The following PNLDC1 variants were observed in gnomAD, a reference collection of about 807,000 sequenced individuals.
The protein encoded by PNLDC1 is PARN like ribonuclease domain containing exonuclease 1.
Under a neutral mutation model 82.0 loss-of-function variants are expected in PNLDC1, and 70 were observed. The ratio of observed to expected loss-of-function variants is 0.85; its 90% CI spans 0.70 to 1.04. The LOEUF (loss-of-function observed/expected upper bound fraction) is 1.04, where lower values mean the gene tolerates loss of function less well. Among genes scored for constraint, PNLDC1 ranks in the 50% least tolerant of loss-of-function variants. The pLI is 0.00. For missense variants in PNLDC1, 631 were observed against 661.1 expected, an observed-to-expected ratio of 0.95 and a Z score of 0.50; for synonymous variants, 280 against 249.3, an observed-to-expected ratio of 1.12 and a Z score of -1.16.
At chr6:159,802,074 G>A (rs940939956) in intron 3 of PNLDC1, among the ~76,000 whole-genome samples, 8 of 152,160 alleles carry the variant, frequency 5.3e-5, no homozygotes, top group East Asian at 1.9e-4. Context: ...TTTTAGTAGC[G>A]ATGGGGTTTC....
At position 159,818,649 on chromosome 6, in the gene PNLDC1, A is replaced by G. The variant is rs752859826; in HGVS notation, c.1252A>G (p.Lys418Glu). The change falls in exon 16 of 19, where the codon AAG (lysine) becomes GAG (glutamate). Residue 418 changes from lysine (K) to glutamate (E), a missense_variant. By Grantham distance (56) the Lys-to-Glu change is moderately conservative. Transcript: ENST00000392167. ...QVNLIRAGVP[K>E]INFSGPDYPS... The stretch of plus-strand genomic sequence containing the variant: ...GAACCTCATCCGAGCGGGGGTCCCA[A>G]AGATCGTGAGTAGATCTCATTTGGC... The G allele has an allele frequency of 9.9e-6, 16 of 1,613,250 alleles. No individual in the cohort carries two copies. The East Asian group carries it at 2.9e-4, about 29-fold the overall frequency.
intron 12 of PNLDC1, among the ~76,000 whole-genome samples, chr6:159,814,725 C>T (rs1781758706): frequency 6.6e-6 from 1 of 152,188 alleles, no homozygotes; most frequent in Non-Finnish European, 1.5e-5. Flanking sequence ...TTGCCACTCA[C>T]TGGTTCTGTG....
At chr6:159,808,512 TAA>T (rs559167980) in intron 7 of PNLDC1, among the ~76,000 whole-genome samples, 84 of 144,034 alleles carry the variant, frequency 5.8e-4, no homozygotes, top group African/African-American at 2.1e-3. Flanking sequence ...ATCCCCAACT[TAA>T]GAGTGGCCCT....
chr6:159,820,437 G>A lies in PNLDC1; in HGVS notation c.1533-17G>A, dbSNP rs201926720. 6.7e-4 allele frequency: 1,075 copies of A among 1,613,900 alleles called. 3 individuals are homozygous for A. In the African/African-American group the frequency reaches 0.013, roughly 19 times the overall value. On this transcript the variant is annotated splice_polypyrimidine_tract_variant and intron_variant, in intron 18 of 18. Coordinates refer to ENST00000392167, the MANE Select transcript of PNLDC1 (RefSeq NM_001271862.2). ...TGCTGGGTGCCCCGGCCACTGACACGTGTCATTGTCTTGCAGAGTCTGTGG... is the reference window on the plus strand; with the variant it reads ...TGCTGGGTGCCCCGGCCACTGACACATGTCATTGTCTTGCAGAGTCTGTGG...
In PNLDC1 at chr6:159,820,668, A is replaced by C. The variant is rs1488230831; in HGVS notation, c.*151A>C. On this transcript the variant is annotated 3_prime_UTR_variant, in exon 19 of 19. Transcript: ENST00000392167. ...TATGTCCTGAACGTGAAATTCTGTC[A>C]ACACTCTCAATGATAAATCAGTCCT... is the stretch of plus-strand genomic sequence containing the variant. The C allele has an allele frequency of 1.4e-6, 1 of 702,994 alleles. No individual in the cohort carries two copies. Among genetic ancestry groups the C allele is most frequent in the African/African-American group, 1.8e-5 (1 of 56,962 alleles). 43.5% of individuals were successfully genotyped at this position (702,994 alleles called of 1,614,324 possible). A position where few individuals can be genotyped will look rare whatever the true frequency, so the allele number is the denominator to read the frequency against.
At chr6:159,800,523 GC>G in intron 1 of PNLDC1, 140 bp downstream of exon 1, 1 of 1,315,490 alleles carries the variant, frequency 7.6e-7, no homozygotes, top group Non-Finnish European at 1.0e-6. Context: ...TCCTTCTCCA[GC>G]CCCGGGGCGG....
chr6:159,814,450 G>A (rs1173826611), intron 12 of PNLDC1, among the ~76,000 whole-genome samples: 2 of 152,196 alleles, frequency 1.3e-5, no homozygotes, highest in African/African-American at 2.4e-5. Context: ...CCTGTGTACC[G>A]CTGCGGTCCA....
In PNLDC1 at chr6:159,811,692, T is replaced by TC; in HGVS notation, c.854-5dup. On this transcript the variant is annotated splice_polypyrimidine_tract_variant and intron_variant, in intron 10 of 18. Transcript: ENST00000392167. ...ATTCACTCTTGACTACCTGGGTTTT[T>TC]CCCCTCAGAAAGCTACGATCAATTT... 2 of 1,610,494 alleles carry TC rather than the reference T, an allele frequency of 1.2e-6. No individual in the cohort carries two copies. The highest frequency in any genetic ancestry group is 1.7e-6 in the Non-Finnish European group (2 of 1,177,150).
intron 8 of PNLDC1, 56 bp downstream of exon 8, chr6:159,808,872 T>C: frequency 6.3e-7 from 1 of 1,597,972 alleles, no homozygotes; most frequent in South Asian, 1.1e-5. Context: ...CTCTCATAAT[T>C]GGCCAAATCT....
chr6:159,819,924 G>A lies in PNLDC1; in HGVS notation c.1533-530G>A, dbSNP rs1052094428. 4.6e-5 allele frequency among the ~76,000 whole-genome samples: 7 copies of A among 152,144 alleles called. No individual in the cohort carries two copies. The highest frequency in any genetic ancestry group is 1.7e-4 in the African/African-American group (7 of 41,436). On this transcript the variant is annotated intron_variant, in intron 18 of 18. Transcript: ENST00000392167. The surrounding 1 kb of genome is among the most constrained non-coding windows in gnomAD (Gnocchi z 4.6). Reference sequence around the variant, plus strand: ...GAGGACGTGGGCTTCTCTCAGGAGAGAGGGAATCGCGGAAGTTACAGCAAG... The same window carrying A: ...GAGGACGTGGGCTTCTCTCAGGAGAAAGGGAATCGCGGAAGTTACAGCAAG...
intron 7 of PNLDC1, among the ~76,000 whole-genome samples, chr6:159,807,917 TTC>T (rs1432848299): frequency 6.6e-6 from 1 of 151,710 alleles, no homozygotes. Context: ...GATTTTTTTT[TTC>T]TTTTTTTTTT....
rs1315222828 is a variant in PNLDC1 at position 159,809,159 on chromosome 6, G to A, written c.783+1G>A. On this transcript the variant is annotated splice_donor_variant, in intron 9 of 18. Coordinates refer to ENST00000392167, the MANE Select transcript of PNLDC1 (RefSeq NM_001271862.2). LOFTEE classifies it high-confidence loss of function. ...CCAAATGCTGGTGAAAGCCCAGAAG[G>A]TAGGAAAACATGTCTCTTTTCTTGG... The A allele has an allele frequency of 6.2e-7, 1 of 1,613,516 alleles. No homozygotes were observed. Among genetic ancestry groups the A allele is most frequent in the Non-Finnish European group, 8.5e-7 (1 of 1,179,904 alleles).
At chr6:159,817,023 CA>C in intron 14 of PNLDC1, 85 bp from the exon 15 acceptor site, 1 of 1,340,268 alleles carries the variant, frequency 7.5e-7, no homozygotes, top group South Asian at 1.2e-5. Flanking sequence ...ACATTTATTT[CA>C]GATTGGCTTG....
At chr6:159,803,401 C>A in intron 4 of PNLDC1, 91 bp downstream of exon 4, 1 of 1,217,998 alleles carries the variant, frequency 8.2e-7, no homozygotes, top group Non-Finnish European at 1.2e-6. Context: ...GCCCCGATCA[C>A]TTTTGCCCTG....
intron 6 of PNLDC1, among the ~76,000 whole-genome samples, chr6:159,804,916 C>G (rs561643816): frequency 6.6e-6 from 1 of 152,358 alleles, no homozygotes; most frequent in African/African-American, 2.4e-5. Flanking sequence ...TAATTTGGAA[C>G]TCAAAGAAAC....
At position 159,815,832 on chromosome 6, in the gene PNLDC1, C is replaced by G. The variant is rs544858758; in HGVS notation, c.996-137C>G. The G allele has an allele frequency of 5.7e-5, 37 of 644,480 alleles. No individual in the cohort carries two copies. In the East Asian group the frequency reaches 1.1e-3, roughly 19 times the overall value. 39.9% of individuals were successfully genotyped at this position (644,480 alleles called of 1,614,324 possible). On this transcript the variant is annotated intron_variant, in intron 12 of 18. Transcript: ENST00000392167. ...CCCAGTTACTAAGATCTTACCTGTC[C>G]ATGCTTAGATTTGCACCTTAAAGAT...
At position 159,819,571 on chromosome 6, in the gene PNLDC1, C is replaced by T. The variant is rs1184945837; in HGVS notation, c.1532+219C>T. 6.6e-6 allele frequency among the ~76,000 whole-genome samples: 1 copy of T among 152,214 alleles called. No individual in the cohort carries two copies. Among genetic ancestry groups the T allele is most frequent in the Non-Finnish European group, 1.5e-5 (1 of 68,044 alleles). On this transcript the variant is annotated intron_variant, in intron 18 of 18. Coordinates refer to ENST00000392167, the MANE Select transcript of PNLDC1 (RefSeq NM_001271862.2). The surrounding 1 kb of genome is among the most constrained non-coding windows in gnomAD (Gnocchi z 4.6). Reference sequence around the variant, plus strand: ...CACCATCGTAGTTCTAGGGCCTCGTCAGTGAAGCAGAAAATCCCTGCTCTC... The same window carrying T: ...CACCATCGTAGTTCTAGGGCCTCGTTAGTGAAGCAGAAAATCCCTGCTCTC...
chr6:159,807,440 A>T (rs1781488936), intron 7 of PNLDC1, among the ~76,000 whole-genome samples: 1 of 152,152 alleles, frequency 6.6e-6, no homozygotes, highest in South Asian at 2.1e-4. Context: ...AACTCGCAGT[A>T]TTTCCTAGTG....
chr6:159,807,376 A>G (rs2115035929), intron 7 of PNLDC1, among the ~76,000 whole-genome samples: 1 of 149,372 alleles, frequency 6.7e-6, no homozygotes, highest in African/African-American at 2.4e-5. Context: ...CCTGAGCAAC[A>G]CAATGAGACT....
Sources: gnomAD v4.1 joint callset for allele counts (sites outside exome capture counted in the v4.1 genomes callset) on GRCh38, gnomAD v4.1.1 for gene constraint, Gnocchi (gnomAD v3.1) non-coding constraint, MANE v1.5 for transcripts, NCBI Gene and HGNC (gene_info 2026-07-23, HGNC 2026-07-21) for gene names.